The following CMIP variants were observed in gnomAD, a reference collection of about 807,000 sequenced individuals.
CMIP encodes the protein C-Maf-inducing protein.
CMIP carries 13 observed loss-of-function variants against 97.3 expected under a neutral mutation model. The observed-to-expected ratio is 0.13, with a 90% confidence interval of 0.09 to 0.21. CMIP has a LOEUF of 0.21. Ranked by LOEUF, CMIP falls within the 10% of genes least tolerant of loss-of-function variation. The pLI is 1.00. For missense variants in CMIP, 847 were observed against 1,024.9 expected (o/e 0.83, Z 2.37); for synonymous variants, 538 against 436.3 (o/e 1.23, Z -2.91).
At chr16:81,688,854 C>T (rs144839948) in intron 10 of CMIP, among the ~76,000 whole-genome samples, 5 of 152,122 alleles carry the variant, frequency 3.3e-5, no homozygotes, top group African/African-American at 7.2e-5. Context: ...TTCCCCACCC[C>T]GTGGCCAAGT....
intron 1 of CMIP, among the ~76,000 whole-genome samples, chr16:81,579,612 C>G (rs1243605439): frequency 1.3e-5 from 2 of 148,200 alleles, no homozygotes; most frequent in Non-Finnish European, 3.0e-5. Context: ...GGGGCATGGC[C>G]CAGCCCTGCT....
At chr16:81,578,454 C>T (rs1444524305) in intron 1 of CMIP, among the ~76,000 whole-genome samples, 1 of 152,178 alleles carries the variant, frequency 6.6e-6, no homozygotes, top group African/African-American at 2.4e-5. Flanking sequence ...GAATTGTATA[C>T]CTGAGCAAGG....
chr16:81,515,992 G>A (rs562680299), intron 1 of CMIP, among the ~76,000 whole-genome samples: 2 of 152,330 alleles, frequency 1.3e-5, no homozygotes, highest in South Asian at 4.1e-4. Context: ...CAGCCCCTGG[G>A]CCTCAGTCCT....
At chr16:81,454,132 G>T (rs541994026) in intron 1 of CMIP, among the ~76,000 whole-genome samples, 19 of 152,306 alleles carry the variant, frequency 1.2e-4, no homozygotes, top group Non-Finnish European at 5.9e-5. Context: ...GTCTTCTCTG[G>T]TGGGGAATAA....
intron 1 of CMIP, among the ~76,000 whole-genome samples, chr16:81,471,507 C>A (rs904624231): frequency 1.3e-5 from 2 of 152,152 alleles, no homozygotes; most frequent in Non-Finnish European, 2.9e-5. Context: ...TACATATACA[C>A]ATGTGCAGAC....
chr16:81,510,584 T>G (rs2089792022), intron 1 of CMIP, among the ~76,000 whole-genome samples: 1 of 152,056 alleles, frequency 6.6e-6, no homozygotes, highest in Non-Finnish European at 1.5e-5. Flanking sequence ...GTCCTGGAGG[T>G]GCGATTCCAG....
intron 9 of CMIP, among the ~76,000 whole-genome samples, chr16:81,673,045 C>T (rs1391330036): frequency 6.6e-6 from 1 of 152,066 alleles, no homozygotes; most frequent in African/African-American, 2.4e-5. Flanking sequence ...GCAATAAAAC[C>T]GAGTGGTGGG....
At chr16:81,459,374 C>G (rs1208093547) in intron 1 of CMIP, among the ~76,000 whole-genome samples, 2 of 152,074 alleles carry the variant, frequency 1.3e-5, no homozygotes, top group Non-Finnish European at 2.9e-5. Flanking sequence ...CGCTGTGACC[C>G]CGTGCCGTGA....
intron 1 of CMIP, among the ~76,000 whole-genome samples, chr16:81,469,113 G>C (rs1051252918): frequency 2.0e-5 from 3 of 152,242 alleles, no homozygotes; most frequent in Non-Finnish European, 4.4e-5. Flanking sequence ...GGCCCAGTTC[G>C]TTGCCAACAG....
intron 1 of CMIP, among the ~76,000 whole-genome samples, chr16:81,485,519 C>A (rs1022177627): frequency 1.3e-5 from 2 of 152,230 alleles, no homozygotes; most frequent in Non-Finnish European, 2.9e-5. Flanking sequence ...ACAGTGTGGC[C>A]TGGGTGGAGA....
chr16:81,449,336 T>C (rs1361896419), intron 1 of CMIP, among the ~76,000 whole-genome samples: 1 of 152,222 alleles, frequency 6.6e-6, no homozygotes, highest in Non-Finnish European at 1.5e-5. Context: ...GGCATCTTGA[T>C]ATGGATGGGA....
intron 1 of CMIP, among the ~76,000 whole-genome samples, chr16:81,583,065 T>G (rs1458132160): frequency 6.6e-6 from 1 of 152,188 alleles, no homozygotes; most frequent in East Asian, 1.9e-4. Flanking sequence ...CTAAAATTAT[T>G]TAAATTTCTC....
intron 16 of CMIP, 109 bp downstream of exon 16, chr16:81,701,909 G>T: frequency 7.3e-7 from 1 of 1,376,010 alleles, no homozygotes; most frequent in Non-Finnish European, 1.0e-6. Context: ...CAATCTCGTT[G>T]AATTCTCCTC....
chr16:81,447,999 A>G (rs1314123016), intron 1 of CMIP, among the ~76,000 whole-genome samples: 1 of 152,248 alleles, frequency 6.6e-6, no homozygotes, highest in Admixed American at 6.5e-5. Flanking sequence ...TGCGTTTTAT[A>G]GTGCGGCCCA....
intron 19 of CMIP, 42 bp downstream of exon 19, chr16:81,705,646 AT>A (rs1908051095): frequency 7.6e-7 from 1 of 1,321,256 alleles, no homozygotes; most frequent in Non-Finnish European, 1.1e-6. Flanking sequence ...GGGCCGCTTG[AT>A]TCATTCCTTC....
intron 1 of CMIP, among the ~76,000 whole-genome samples, chr16:81,568,880 C>T (rs2091032759): frequency 6.6e-6 from 1 of 152,158 alleles, no homozygotes. Flanking sequence ...GTTAAATGAC[C>T]TTAATAAGCC....
At chr16:81,668,751 C>T (rs892255171) in intron 7 of CMIP, among the ~76,000 whole-genome samples, 1 of 152,022 alleles carries the variant, frequency 6.6e-6, no homozygotes, top group African/African-American at 2.4e-5. Flanking sequence ...TGCCCAACTC[C>T]TCATTGCACA....
In CMIP at chr16:81,638,647, T is replaced by G. The variant is rs543595252; in HGVS notation, c.478-13556T>G. Reference sequence around the variant, plus strand: ...GGAGAAGAACCCGGCAGCTTCTGCCTGCACCTGAGAATGTTTTCCCCTCTT... The same window carrying G: ...GGAGAAGAACCCGGCAGCTTCTGCCGGCACCTGAGAATGTTTTCCCCTCTT... On this transcript the variant is annotated intron_variant, in intron 3 of 20. Transcript: ENST00000537098. Among the ~76,000 whole-genome samples, 36 of 152,002 alleles carry G rather than the reference T, an allele frequency of 2.4e-4. 1 individual carries two copies. Among genetic ancestry groups the G allele is most frequent in the Admixed American group, 2.2e-3 (34 of 15,290 alleles).
At chr16:81,598,693 A>G (rs911260613) in intron 1 of CMIP, among the ~76,000 whole-genome samples, 10 of 152,200 alleles carry the variant, frequency 6.6e-5, no homozygotes, top group Admixed American at 2.6e-4. Flanking sequence ...TCGGCTGGGC[A>G]TGGTGGCTCA....
Sources: allele counts gnomAD v4.1 joint callset (sites outside exome capture counted in the v4.1 genomes callset), GRCh38; gene constraint gnomAD v4.1.1; transcripts MANE v1.5; gene names NCBI Gene and HGNC (gene_info 2026-07-23, HGNC 2026-07-21).